OXTR: variants seen among roughly 807,000 people sequenced by gnomAD.
OXTR encodes the protein oxytocin receptor.
A neutral mutation model predicts 23.9 loss-of-function variants in OXTR; 19 were observed. That is an observed-to-expected ratio of 0.80 (90% CI 0.56 to 1.17). The LOEUF is 1.17. Ranked by LOEUF, OXTR falls within the 50% of genes most tolerant of loss-of-function variation. The pLI is 0.00. For synonymous variants in OXTR, 278 were observed against 250.5 expected (o/e 1.11, Z -1.04); for missense variants, 500 against 550.7 (o/e 0.91, Z 0.92).
chr3:8,766,709 C>T lies in OXTR; in HGVS notation c.922+557G>A, dbSNP rs144127065. On this transcript the variant is annotated intron_variant, in intron 3 of 3. Coordinates refer to ENST00000316793, the MANE Select transcript of OXTR (RefSeq NM_000916.4). ...TGGACTCCTCTGCCCCCCAACACCC[C>T]CTTCAACTACTAGGTGCTTGGTTGG... Among the ~76,000 whole-genome samples the T allele has an allele frequency of 4.0e-3, 591 of 148,004 alleles. 3 individuals carry two copies. The highest frequency in any genetic ancestry group is 0.014 in the African/African-American group (563 of 39,168).
At chr3:8,755,027 TTTG>T (rs145817795) in intron 3 of OXTR, among the ~76,000 whole-genome samples, 2,271 of 152,240 alleles carry the variant, frequency 0.015, 69 homozygotes, top group African/African-American at 0.052. Context: ...CAAAAAATAT[TTTG>T]TTAAGAAATT....
At chr3:8,743,957 A>G in the OXTR span, among the ~76,000 whole-genome samples, 1 of 152,192 alleles carries the variant, frequency 6.6e-6, no homozygotes, top group African/African-American at 2.4e-5. Context: ...TTGGTGATGC[A>G]ATAGAGGAGA....
Position 8,768,871 on chromosome 3 carries a change from C to T in OXTR, c.-238-280G>A, listed in dbSNP as rs940390393. Among the ~76,000 whole-genome samples the T allele has an allele frequency of 9.9e-5, 15 of 152,202 alleles. No homozygotes were observed. Among genetic ancestry groups the T allele is most frequent in the East Asian group, 3.9e-4 (2 of 5,182 alleles). On this transcript the variant is annotated intron_variant, in intron 1 of 3. Transcript: ENST00000316793. This position sits in a 1 kb window ranked among gnomAD's most constrained non-coding sequence, Gnocchi z 5.4. ...TTTCTAAGACGGTCGGCCGTCACTCCCTGAACTTCCACAGCACCTGCTTCG... is the reference window on the plus strand; with the variant it reads ...TTTCTAAGACGGTCGGCCGTCACTCTCTGAACTTCCACAGCACCTGCTTCG...
chr3:8,748,906 A>G (rs1708210759), downstream of OXTR, among the ~76,000 whole-genome samples: 1 of 152,212 alleles, frequency 6.6e-6, no homozygotes, highest in African/African-American at 2.4e-5. Flanking sequence ...CCAGCGCTTA[A>G]AGAAATAAGC....
the OXTR span, among the ~76,000 whole-genome samples, chr3:8,741,516 G>A: frequency 1.3e-5 from 2 of 152,150 alleles, no homozygotes; most frequent in African/African-American, 4.8e-5. Flanking sequence ...ACAGATCTTG[G>A]CCCAATCGTC....
chr3:8,768,782 GA>G lies in OXTR; in HGVS notation c.-238-192del, dbSNP rs1441305626. On this transcript the variant is annotated intron_variant, in intron 1 of 3. Coordinates refer to ENST00000316793, the MANE Select transcript of OXTR (RefSeq NM_000916.4). The surrounding 1 kb of genome is among the most constrained non-coding windows in gnomAD (Gnocchi z 5.4). ...AACATTAATTCAAGTACTTCCTCCG[GA>G]AATCCCCAAATAGCCACTTGCCTGG... is the stretch of plus-strand genomic sequence containing the variant. The G allele has an allele frequency of 6.6e-6, 1 of 152,048 alleles. No individual in the cohort carries two copies. The highest frequency in any genetic ancestry group is 1.5e-5 in the Non-Finnish European group (1 of 68,104). 9.4% of individuals were successfully genotyped at this position (152,048 alleles called of 1,614,324 possible). A position where few individuals can be genotyped will look rare whatever the true frequency, so the allele number is the denominator to read the frequency against.
downstream of OXTR, chr3:8,745,678 C>T (rs765234409): frequency 3.1e-6 from 5 of 1,614,206 alleles, no homozygotes; most frequent in Admixed American, 8.3e-5. This position sits in a 1 kb window ranked among gnomAD's most constrained non-coding sequence, Gnocchi z 4.8. Context: ...TGCTCTGGGG[C>T]TTCCTGTTCG....
In OXTR at chr3:8,767,495, C is replaced by G. The variant is rs755469490; in HGVS notation, c.693G>C (p.Leu231Phe). The change falls in exon 3 of 4, where the codon TTG (leucine) becomes TTC (phenylalanine). Residue 231 changes from leucine (L) to phenylalanine (F), a missense_variant. Coordinates refer to ENST00000316793, the MANE Select transcript of OXTR (RefSeq NM_000916.4). Reference protein sequence around the residue: ...GLISFKIWQNLRLKTAAAAAA... With the variant: ...GLISFKIWQNFRLKTAAAAAA... The stretch of plus-strand genomic sequence containing the variant: ...CCGCCGCTGCAGCGGTCTTGAGCCG[C>G]AAGTTCTGCCAGATCTTGAAGCTGA... 6 of 1,610,942 alleles carry G rather than the reference C, an allele frequency of 3.7e-6. No homozygotes were observed. The highest frequency in any genetic ancestry group is 5.1e-6 in the Non-Finnish European group (6 of 1,178,714).
downstream of OXTR, chr3:8,750,299 C>T (rs1708229837): frequency 6.6e-6 from 1 of 152,114 alleles, no homozygotes; most frequent in Non-Finnish European, 1.5e-5. Flanking sequence ...ATGATGAGAT[C>T]CCTCTCAAGC....
At chr3:8,759,997 G>T (rs1453360555) in intron 3 of OXTR, among the ~76,000 whole-genome samples, 1 of 152,194 alleles carries the variant, frequency 6.6e-6, no homozygotes, top group Admixed American at 6.5e-5. Context: ...TGAGACAGTT[G>T]TTTCTCTTTC....
intron 3 of OXTR, among the ~76,000 whole-genome samples, chr3:8,761,396 G>A (rs953101714): frequency 4.6e-5 from 7 of 152,172 alleles, no homozygotes; most frequent in Non-Finnish European, 8.8e-5. Context: ...GATAGTGGGG[G>A]AGGGTTCAGC....
chr3:8,752,984 G>C lies in OXTR; in HGVS notation c.1163C>G (p.Thr388Arg). Residue 388 changes from threonine to arginine, a missense_variant, in exon 4 of 4, where the codon ACG becomes AGG. Coordinates refer to ENST00000316793, the MANE Select transcript of OXTR (RefSeq NM_000916.4). The stretch of plus-strand genomic sequence containing the variant: ...CTGGCCCTGGCTGGTGGGTCACGCC[G>C]TGGATGGCTGGGAGCAGCTCCTCTG... Reference protein sequence around the residue: ...SSQRSCSQPSTA With the variant: ...SSQRSCSQPSRA 6.2e-7 allele frequency: 1 copy of C among 1,610,874 alleles called. No individual in the cohort carries two copies. Among genetic ancestry groups the C allele is most frequent in the Non-Finnish European group, 8.5e-7 (1 of 1,177,718 alleles).
At chr3:8,744,301 T>A in the OXTR span, among the ~76,000 whole-genome samples, 11 of 143,008 alleles carry the variant, frequency 7.7e-5, 1 homozygote, top group East Asian at 2.2e-3. Context: ...TTTTTTGAGA[T>A]GGAGTCTCGC....
intron 3 of OXTR, among the ~76,000 whole-genome samples, chr3:8,755,842 G>C (rs1404023828): frequency 6.6e-6 from 1 of 152,242 alleles, no homozygotes; most frequent in Non-Finnish European, 1.5e-5. Flanking sequence ...ACACAAAGCA[G>C]GGACTATGGA....
chr3:8,751,475 A>G lies in OXTR; in HGVS notation c.*1502T>C, dbSNP rs1422181398. On this transcript the variant is annotated 3_prime_UTR_variant, in exon 4 of 4. Coordinates refer to ENST00000316793, the MANE Select transcript of OXTR (RefSeq NM_000916.4). ...CACTGCCTAATTCAAGGTTACAAAG[A>G]TCTATGCCTATGTTTCTTTCTAAGA... is the stretch of plus-strand genomic sequence containing the variant. 6.6e-6 allele frequency: 1 copy of G among 152,154 alleles called. No homozygotes were observed. Among genetic ancestry groups the G allele is most frequent in the East Asian group, 1.9e-4 (1 of 5,194 alleles). The allele number at this position is 152,154 out of a possible 1,614,324, so 9.4% of individuals were successfully genotyped here.
At chr3:8,749,202 G>A (rs766511856), downstream of OXTR, among the ~76,000 whole-genome samples, 1 of 152,082 alleles carries the variant, frequency 6.6e-6, no homozygotes, top group East Asian at 1.9e-4. Context: ...GGTGGGGGTC[G>A]GGGTGTATAT....
chr3:8,754,113 T>C (rs898287610), intron 3 of OXTR, among the ~76,000 whole-genome samples: 4 of 152,156 alleles, frequency 2.6e-5, no homozygotes, highest in African/African-American at 9.7e-5. Context: ...ATAAGACTCA[T>C]GCAGGAAAAA....
At chr3:8,761,815 C>T (rs1045995281) in intron 3 of OXTR, among the ~76,000 whole-genome samples, 1 of 152,206 alleles carries the variant, frequency 6.6e-6, no homozygotes, top group Non-Finnish European at 1.5e-5. Context: ...CCATTATGAG[C>T]CGTTATCCCC....
At chr3:8,749,106 G>T (rs1006872040), downstream of OXTR, among the ~76,000 whole-genome samples, 31 of 152,248 alleles carry the variant, frequency 2.0e-4, no homozygotes, top group African/African-American at 7.5e-4. Flanking sequence ...CTGAACCCAA[G>T]GTAGCGTTCT....
Sources: allele counts gnomAD v4.1 joint callset (sites outside exome capture counted in the v4.1 genomes callset), GRCh38; gene constraint gnomAD v4.1.1; non-coding constraint Gnocchi (gnomAD v3.1); transcripts MANE v1.5; gene names NCBI Gene and HGNC (gene_info 2026-07-23, HGNC 2026-07-21).